The following SLC9B1 variants were observed in gnomAD, a reference collection of about 807,000 sequenced individuals.
The protein encoded by SLC9B1 is solute carrier family 9 member B1, also known as sodium/hydrogen exchanger 9B1.
SLC9B1 carries 32 observed loss-of-function variants against 51.7 expected under a neutral mutation model. The observed-to-expected ratio is 0.62, with a 90% CI of 0.47 to 0.83. The LOEUF (loss-of-function observed/expected upper bound fraction) is 0.83. Ranked by LOEUF, SLC9B1 falls within the 40% of genes least tolerant of loss-of-function variation. SLC9B1 has a pLI of 0.00. For synonymous variants in SLC9B1, 145 were observed against 212.7 expected (o/e 0.68, Z 2.77); for missense variants, 406 against 613.2 (o/e 0.66, Z 3.57).
At chr4:102,980,807 T>C (rs1322124290) in intron 3 of SLC9B1, among the ~76,000 whole-genome samples, 1 of 152,004 alleles carries the variant, frequency 6.6e-6, no homozygotes, top group African/African-American at 2.4e-5. Context: ...CACACCAGAG[T>C]GGTCCATTTG....
At chr4:102,910,111 G>A (rs1404215465) in intron 9 of SLC9B1, among the ~76,000 whole-genome samples, 5 of 151,790 alleles carry the variant, frequency 3.3e-5, no homozygotes, top group Non-Finnish European at 5.9e-5. Flanking sequence ...CACCGTCCCC[G>A]GCCTTTTACA....
intron 1 of SLC9B1, among the ~76,000 whole-genome samples, chr4:103,011,661 A>G (rs1741092108): frequency 6.6e-6 from 1 of 152,084 alleles, no homozygotes; most frequent in African/African-American, 2.4e-5. Context: ...AGCCATGACT[A>G]CAGACTTAGC....
chr4:102,907,251 A>C (rs1735100947), intron 9 of SLC9B1, among the ~76,000 whole-genome samples: 1 of 152,126 alleles, frequency 6.6e-6, no homozygotes, highest in African/African-American at 2.4e-5. Flanking sequence ...TTGTCTGTAA[A>C]GTAACTGAAC....
At chr4:102,949,041 TG>T (rs1737410747) in intron 4 of SLC9B1, among the ~76,000 whole-genome samples, 1 of 152,166 alleles carries the variant, frequency 6.6e-6, no homozygotes, top group Non-Finnish European at 1.5e-5. Context: ...AAATAAATTT[TG>T]GATAAAACTT....
At chr4:102,959,517 T>C (rs544280369) in intron 3 of SLC9B1, among the ~76,000 whole-genome samples, 14 of 150,248 alleles carry the variant, frequency 9.3e-5, no homozygotes, top group Non-Finnish European at 1.8e-4. Flanking sequence ...ATTTTTGACA[T>C]TTTGAGGAAA....
intron 7 of SLC9B1, among the ~76,000 whole-genome samples, chr4:102,924,953 G>C (rs562563627): frequency 6.6e-6 from 1 of 152,166 alleles, no homozygotes; most frequent in African/African-American, 2.4e-5. Context: ...TTACACTGTT[G>C]GTGGGAGTGT....
intron 1 of SLC9B1, among the ~76,000 whole-genome samples, chr4:103,008,614 C>A (rs1334283009): frequency 6.6e-6 from 1 of 151,894 alleles, no homozygotes; most frequent in Non-Finnish European, 1.5e-5. Flanking sequence ...AACTCCTGAT[C>A]TCAAGTGGTC....
At chr4:102,982,460 T>G (rs1036261122) in intron 3 of SLC9B1, among the ~76,000 whole-genome samples, 1 of 152,140 alleles carries the variant, frequency 6.6e-6, no homozygotes, top group African/African-American at 2.4e-5. Context: ...GGAATTTTGA[T>G]TGGGATTGCA....
intron 2 of SLC9B1, 77 bp downstream of exon 2, chr4:102,991,566 A>G: frequency 1.0e-6 from 1 of 1,004,342 alleles, no homozygotes; most frequent in African/African-American, 1.7e-5. Flanking sequence ...AAACCTATCT[A>G]ATAAGTAAAT....
chr4:102,986,298 C>T (rs1166618961), intron 3 of SLC9B1, among the ~76,000 whole-genome samples: 1 of 151,244 alleles, frequency 6.6e-6, no homozygotes. Context: ...TATTTCATGC[C>T]ACTCTATTCT....
At chr4:102,945,960 T>G (rs1737245150) in intron 5 of SLC9B1, among the ~76,000 whole-genome samples, 1 of 151,906 alleles carries the variant, frequency 6.6e-6, no homozygotes, top group Admixed American at 6.6e-5. Flanking sequence ...TTTAAAAGAT[T>G]GGATTTTACA....
chr4:102,965,554 G>A (rs1455352594), intron 3 of SLC9B1, among the ~76,000 whole-genome samples: 1 of 151,902 alleles, frequency 6.6e-6, no homozygotes, highest in Admixed American at 6.6e-5. Flanking sequence ...TCTCCCATTA[G>A]GCCCTGCCTC....
intron 1 of SLC9B1, among the ~76,000 whole-genome samples, chr4:103,008,455 C>G (rs996044567): frequency 6.6e-6 from 1 of 151,444 alleles, no homozygotes; most frequent in East Asian, 1.9e-4. Flanking sequence ...ATCTCACCGC[C>G]CAGGATGGAG....
At chr4:102,904,248 C>G (rs182220107) in intron 11 of SLC9B1, among the ~76,000 whole-genome samples, 1 of 151,576 alleles carries the variant, frequency 6.6e-6, no homozygotes, top group African/African-American at 2.4e-5. Flanking sequence ...TTTGTAGAGA[C>G]GAGGTTTTAC....
At position 102,968,779 on chromosome 4, in the gene SLC9B1, C is replaced by T. The variant is rs1306753592; in HGVS notation, c.212-19352G>A. On this transcript the variant is annotated intron_variant, in intron 3 of 11. Transcript: ENST00000296422. The stretch of plus-strand genomic sequence containing the variant: ...GGGTCGGGGGATTTCCCTTTCTTAG[C>T]CAAGGGAAGCCGTGACAGACGGTAC... 2.0e-5 allele frequency among the ~76,000 whole-genome samples: 3 copies of T among 152,330 alleles called. No homozygotes were observed. The East Asian group carries it at 5.8e-4, about 29-fold the overall frequency.
intron 3 of SLC9B1, among the ~76,000 whole-genome samples, chr4:102,978,258 G>A (rs914310570): frequency 8.6e-5 from 13 of 152,046 alleles, no homozygotes; most frequent in African/African-American, 1.9e-4. Context: ...GAATAGCGCC[G>A]CAATAAACAT....
At chr4:102,951,296 A>T (rs968669574) in intron 3 of SLC9B1, among the ~76,000 whole-genome samples, 1 of 152,174 alleles carries the variant, frequency 6.6e-6, no homozygotes, top group African/African-American at 2.4e-5. Context: ...TCTCTAATAG[A>T]CAGTCCTGAT....
chr4:102,930,187 A>G (rs1043122873), intron 7 of SLC9B1, among the ~76,000 whole-genome samples: 1 of 152,152 alleles, frequency 6.6e-6, no homozygotes, highest in African/African-American at 2.4e-5. Flanking sequence ...TCCCTCCTTC[A>G]CCTATCAAAT....
intron 11 of SLC9B1, among the ~76,000 whole-genome samples, chr4:102,885,889 G>T (rs1017983508): frequency 6.6e-6 from 1 of 152,096 alleles, no homozygotes; most frequent in Non-Finnish European, 1.5e-5. Flanking sequence ...TATGTAAACT[G>T]CTTTAATAAT....
Sources: allele counts gnomAD v4.1 joint callset (sites outside exome capture counted in the v4.1 genomes callset), GRCh38; gene constraint gnomAD v4.1.1; transcripts MANE v1.5; gene names NCBI Gene and HGNC (gene_info 2026-07-23, HGNC 2026-07-21).